Variants in CACNA1A observed in about 807,000 individuals in gnomAD.
CACNA1A encodes voltage-dependent P/Q-type calcium channel subunit alpha-1A.
A neutral mutation model predicts 262.4 loss-of-function variants in CACNA1A; 57 were observed. The ratio of observed to expected loss-of-function variants is 0.22; its 90% CI spans 0.18 to 0.27. The LOEUF (loss-of-function observed/expected upper bound fraction) is 0.27. CACNA1A is among the 10% of genes least tolerant of loss of function. The pLI, the probability that CACNA1A is intolerant of heterozygous loss-of-function variation, is 1.00. For missense variants in CACNA1A, 2,526 were observed against 3,562.8 expected (o/e 0.71, Z 7.41); for synonymous variants, 1,431 against 1,419.3 (o/e 1.01, Z -0.18).
intron 1 of CACNA1A, among the ~76,000 whole-genome samples, chr19:13,466,729 G>A (rs972058191): frequency 2.1e-4 from 32 of 151,664 alleles, no homozygotes; most frequent in Non-Finnish European, 3.2e-4. Context: ...ATCTGACCAC[G>A]CATCCTTGTG....
In CACNA1A at chr19:13,298,777, G is replaced by T. The variant is rs2057726092; in HGVS notation, c.2856C>A (p.Asp952Glu). ...GCGCGCGATGACGTCGATGCTCCCCGTCCGCGCCCGTGCGCGGGGACCCGC... is the reference window on the plus strand; with the variant it reads ...GCGCGCGATGACGTCGATGCTCCCCTTCCGCGCCCGTGCGCGGGGACCCGC... ...SRSGSPRTGA[D>E]GEHRRHRAHR... Residue 952 changes from aspartate to glutamate, a missense_variant, in exon 19 of 47, where the codon GAC becomes GAA. Asp to Glu is a conservative substitution (Grantham distance 45). This residue lies in a region of CACNA1A where 765 missense variants were observed against 748.6 expected (regional missense o/e 1.02). Transcript: ENST00000360228. The T allele has an allele frequency of 3.9e-6, 6 of 1,530,118 alleles. No homozygotes were observed. Among genetic ancestry groups the T allele is most frequent in the Non-Finnish European group, 5.2e-6 (6 of 1,148,310 alleles). 94.8% of individuals were successfully genotyped at this position (1,530,118 alleles called of 1,614,324 possible).
intron 10 of CACNA1A, among the ~76,000 whole-genome samples, chr19:13,317,981 C>T (rs1487593224): frequency 6.6e-6 from 1 of 151,912 alleles, no homozygotes; most frequent in Non-Finnish European, 1.5e-5. Context: ...ATGAAAAGTG[C>T]TATGGGAAAA....
chr19:13,395,428 T>G (rs2419550), intron 3 of CACNA1A, among the ~76,000 whole-genome samples: 36,268 of 150,600 alleles, frequency 0.24, 9,287 homozygotes, highest in African/African-American at 0.64. Flanking sequence ...CTGGCCAACA[T>G]GGTGAAACCC....
At chr19:13,437,765 G>C (rs1468876491) in intron 3 of CACNA1A, among the ~76,000 whole-genome samples, 2 of 147,300 alleles carry the variant, frequency 1.4e-5, no homozygotes, top group East Asian at 4.1e-4. Context: ...TCTCCACATA[G>C]ACACCCAACC....
chr19:13,497,545 T>A (rs1443805371), intron 1 of CACNA1A, among the ~76,000 whole-genome samples: 1 of 27,886 alleles, frequency 3.6e-5, no homozygotes, highest in Non-Finnish European at 5.6e-5. Context: ...TATATATATA[T>A]ATATATATAT....
intron 29 of CACNA1A, 140 bp from the exon 30 acceptor site, chr19:13,253,241 A>G: frequency 2.0e-6 from 1 of 508,726 alleles, no homozygotes; most frequent in East Asian, 3.2e-5. Flanking sequence ...TAGGAGGCAC[A>G]GTTCAGGAAA....
chr19:13,445,112 CCT>C, intron 3 of CACNA1A, among the ~76,000 whole-genome samples: 1 of 151,116 alleles, frequency 6.6e-6, no homozygotes, highest in Middle Eastern at 3.4e-3. Context: ...TGCACTCTAG[CCT>C]GGGCAACAAG....
chr19:13,273,792 A>G (rs554831419), intron 24 of CACNA1A: 4 of 152,088 alleles, frequency 2.6e-5, no homozygotes, highest in African/African-American at 9.6e-5. Context: ...TGTTCCCCAG[A>G]CTGGGGTGCA....
intron 3 of CACNA1A, among the ~76,000 whole-genome samples, chr19:13,402,182 C>T (rs970793008): frequency 2.0e-4 from 30 of 152,314 alleles, no homozygotes; most frequent in African/African-American, 7.2e-4. Context: ...CATACCTTTC[C>T]TATGAGTTGG....
intron 19 of CACNA1A, among the ~76,000 whole-genome samples, chr19:13,292,115 T>A (rs975517217): frequency 3.3e-5 from 5 of 152,198 alleles, no homozygotes; most frequent in African/African-American, 1.2e-4. Flanking sequence ...CATAGATTTT[T>A]ACTGACAGTC....
At position 13,253,054 on chromosome 19, in the gene CACNA1A, G is replaced by A; in HGVS notation, c.4803C>T (p.Asn1601=). The A allele has an allele frequency of 6.2e-7, 1 of 1,613,856 alleles. No homozygotes were observed. Among genetic ancestry groups the A allele is most frequent in the Non-Finnish European group, 8.5e-7 (1 of 1,179,748 alleles). Residue 1601 remains asparagine (N), a synonymous_variant, in exon 30 of 47, where the codon AAC becomes AAT. Transcript: ENST00000360228. ...GAGAGAAGAGGGAGGTGAAGACGAT[G>A]TTGAACACCCGCAGGGCATTTTCAT... The part of the protein sequence containing the change: ...VAYENALRVF[N]IVFTSLFSLE...
chr19:13,386,407 GGTAAGA>G (rs1173304288), intron 3 of CACNA1A, among the ~76,000 whole-genome samples: 1 of 152,164 alleles, frequency 6.6e-6, no homozygotes, highest in Non-Finnish European at 1.5e-5. Context: ...TGAGTCACAT[GGTAAGA>G]GACAGCCCTT....
At chr19:13,406,465 T>TATATATA (rs1491546067) in intron 3 of CACNA1A, among the ~76,000 whole-genome samples, 1 of 31,544 alleles carries the variant, frequency 3.2e-5, no homozygotes, top group African/African-American at 7.4e-5. Flanking sequence ...AAAAAAAAAA[T>TATATATA]TATATATATA....
intron 38 of CACNA1A, among the ~76,000 whole-genome samples, chr19:13,220,779 C>G (rs1418563704): frequency 1.3e-5 from 2 of 152,162 alleles, no homozygotes; most frequent in Non-Finnish European, 2.9e-5. Context: ...GTGCACATCA[C>G]CACACCTGGC....
At chr19:13,227,799 A>C in intron 36 of CACNA1A, 1 of 214,560 alleles carries the variant, frequency 4.7e-6, no homozygotes, top group Non-Finnish European at 9.2e-6. Flanking sequence ...AGAAAAGAGA[A>C]AAGTCAGATT....
At position 13,212,315 on chromosome 19, in the gene CACNA1A, G is replaced by T. The variant is rs1369965207; in HGVS notation, c.6189+69C>A. 3.4e-5 allele frequency: 53 copies of T among 1,580,160 alleles called. No homozygotes were observed. The highest frequency in any genetic ancestry group is 7.8e-5 in the South Asian group (7 of 89,616). ...GAGCTGCAGGTGTGTGTGTGTGGGGGGCCCAGATCCCTTCCACCTGAACCA... is the reference window on the plus strand; with the variant it reads ...GAGCTGCAGGTGTGTGTGTGTGGGGTGCCCAGATCCCTTCCACCTGAACCA... On this transcript the variant is annotated intron_variant, in intron 42 of 46. Coordinates refer to ENST00000360228, the MANE Select transcript of CACNA1A (RefSeq NM_001127222.2). The surrounding 1 kb of genome is among the most constrained non-coding windows in gnomAD (Gnocchi z 5.6).
intron 3 of CACNA1A, among the ~76,000 whole-genome samples, chr19:13,372,173 T>G (rs1022482267): frequency 1.3e-5 from 2 of 151,934 alleles, no homozygotes; most frequent in African/African-American, 4.8e-5. Flanking sequence ...TTTTATTTTA[T>G]TTTTTTGAGA....
chr19:13,308,209 G>A lies in CACNA1A; in HGVS notation c.1824C>T (p.Asn608=), dbSNP rs1174275154. Residue 608 remains asparagine (N), a synonymous_variant, in exon 14 of 47, where the codon AAC becomes AAT. Transcript: ENST00000360228. The surrounding 1 kb of genome is among the most constrained non-coding windows in gnomAD (Gnocchi z 4.2). The part of the protein sequence containing the change: ...SLRNLVVSLL[N]SMKSIISLLF... ...ACAGGCTGATGATGGACTTCATGGAGTTGAGGAGAGAGACGACCAGGTTTC... is the reference window on the plus strand; with the variant it reads ...ACAGGCTGATGATGGACTTCATGGAATTGAGGAGAGAGACGACCAGGTTTC... The A allele has an allele frequency of 6.2e-7, 1 of 1,613,818 alleles. No individual in the cohort carries two copies. Among genetic ancestry groups the A allele is most frequent in the Non-Finnish European group, 8.5e-7 (1 of 1,179,858 alleles).
chr19:13,446,628 T>A (rs2060819504), intron 3 of CACNA1A, among the ~76,000 whole-genome samples: 1 of 141,286 alleles, frequency 7.1e-6, no homozygotes. Context: ...TTTTTTTTTT[T>A]GTATTTTTAG....
Sources: gnomAD v4.1 joint callset for allele counts (sites outside exome capture counted in the v4.1 genomes callset) on GRCh38, gnomAD v4.1.1 for gene constraint, gnomAD v4.1.1 regional missense constraint, Gnocchi (gnomAD v3.1) non-coding constraint, MANE v1.5 for transcripts, NCBI Gene and HGNC (gene_info 2026-07-23, HGNC 2026-07-21) for gene names.